Variants in POR observed in about 807,000 individuals in gnomAD.
POR encodes the protein NADPH--cytochrome P450 reductase.
Under a neutral mutation model 84.0 loss-of-function variants are expected in POR, and 56 were observed. The observed-to-expected ratio is 0.67, with a 90% CI of 0.54 to 0.83. POR has a LOEUF of 0.83. Ranked by LOEUF, POR falls within the 40% of genes least tolerant of loss-of-function variation. The pLI is 0.00. For missense variants in POR, 938 were observed against 944.3 expected (o/e 0.99, Z 0.09); for synonymous variants, 414 against 400.5 (o/e 1.03, Z -0.40).
At chr7:75,978,345 C>T (rs1044244474) in intron 3 of POR, among the ~76,000 whole-genome samples, 4 of 152,168 alleles carry the variant, frequency 2.6e-5, no homozygotes, top group Non-Finnish European at 5.9e-5. Flanking sequence ...CACATACTGT[C>T]ATCTTACTGT....
chr7:75,963,519 C>T (rs1356185272), intron 2 of POR, among the ~76,000 whole-genome samples: 1 of 152,210 alleles, frequency 6.6e-6, no homozygotes, highest in Non-Finnish European at 1.5e-5. Context: ...TCGGGTACTG[C>T]CGTGCAGAGC....
chr7:75,972,529 A>G (rs782258271), intron 3 of POR, 68 bp downstream of exon 3: 86 of 1,431,362 alleles, frequency 6.0e-5, no homozygotes, highest in Non-Finnish European at 8.3e-5. Flanking sequence ...AATCAAGTCT[A>G]GCAGACGGCT....
chr7:75,986,432 T>A lies in POR; in HGVS notation c.1994T>A (p.Ile665Asn). The change falls in exon 16 of 16, where the codon ATC (isoleucine) becomes AAC (asparagine). Residue 665 changes from isoleucine (I) to asparagine (N), a missense_variant. Ile to Asn is a moderately radical substitution (Grantham distance 149). Transcript: ENST00000461988. ...GAGCACGCGCAGGCGGTGGACTACATCAAGAAACTGATGACCAAGGGCCGC... is the reference window on the plus strand; with the variant it reads ...GAGCACGCGCAGGCGGTGGACTACAACAAGAAACTGATGACCAAGGGCCGC... 1.2e-6 allele frequency: 2 copies of A among 1,612,346 alleles called. No homozygotes were observed. The highest frequency in any genetic ancestry group is 1.7e-6 in the Non-Finnish European group (2 of 1,179,828).
intron 3 of POR, among the ~76,000 whole-genome samples, chr7:75,977,554 TC>T (rs1185107559): frequency 6.6e-6 from 1 of 152,178 alleles, no homozygotes; most frequent in Non-Finnish European, 1.5e-5. Context: ...GGTGGGCAGA[TC>T]ACCTGAGGTC....
rs71519397 is a variant in POR at position 75,920,056 on chromosome 7, C to CTTT, written c.-5+4902_-5+4904dup. ...GGACTGTTCTCCAAGAGTTGAATTTCTTTTTTTTTTTTTTTTTTTTTTTTT... is the reference window on the plus strand; with the variant it reads ...GGACTGTTCTCCAAGAGTTGAATTTCTTTTTTTTTTTTTTTTTTTTTTTTTTTT... On this transcript the variant is annotated intron_variant, in intron 1 of 15. Coordinates refer to ENST00000461988, the MANE Select transcript of POR (RefSeq NM_000941.3). 5.1e-4 allele frequency among the ~76,000 whole-genome samples: 39 copies of CTTT among 76,514 alleles called. 2 individuals carry two copies. The highest frequency in any genetic ancestry group is 6.3e-4 in the African/African-American group (11 of 17,336). The allele number at this position is 76,514 out of a possible 152,430, so 50.2% of individuals were successfully genotyped here. A position where few individuals can be genotyped will look rare whatever the true frequency, so the allele number is the denominator to read the frequency against.
At chr7:75,983,973 T>C (rs1341862456) in intron 10 of POR, 117 bp downstream of exon 10, 8 of 750,966 alleles carry the variant, frequency 1.1e-5, no homozygotes, top group African/African-American at 9.1e-5. Context: ...TGGGAGGCCC[T>C]TGCACCGAGA....
intron 1 of POR, among the ~76,000 whole-genome samples, chr7:75,925,150 C>T (rs1807054515): frequency 6.6e-6 from 1 of 152,084 alleles, no homozygotes; most frequent in African/African-American, 2.4e-5. Flanking sequence ...TTCCTAGATG[C>T]CAAGGCAAAG....
At chr7:75,953,934 C>T (rs1787564206) in intron 1 of POR, 55 bp from the exon 2 acceptor site, 3 of 1,426,752 alleles carry the variant, frequency 2.1e-6, no homozygotes, top group East Asian at 5.0e-5. Flanking sequence ...CCCAGCCAGC[C>T]TCAGGGGCAC....
intron 1 of POR, among the ~76,000 whole-genome samples, chr7:75,937,220 C>A (rs1335721846): frequency 1.4e-5 from 2 of 142,818 alleles, no homozygotes; most frequent in African/African-American, 2.7e-5. Flanking sequence ...CTTGGGAGGC[C>A]AAGGCAGGTG....
chr7:75,980,045 T>G lies in POR; in HGVS notation c.367-294T>G, dbSNP rs1366472692. On this transcript the variant is annotated intron_variant, in intron 4 of 15. Coordinates refer to ENST00000461988, the MANE Select transcript of POR (RefSeq NM_000941.3). Reference sequence around the variant, plus strand: ...GAGGTTCCCAGGGTGGCCCCAGACCTGCATCAGCTCAGGAGGCTGCATTCT... The same window carrying G: ...GAGGTTCCCAGGGTGGCCCCAGACCGGCATCAGCTCAGGAGGCTGCATTCT... 2.0e-5 allele frequency among the ~76,000 whole-genome samples: 3 copies of G among 152,228 alleles called. No homozygotes were observed. In the East Asian group the frequency reaches 5.8e-4, roughly 29 times the overall value.
chr7:75,966,446 C>T (rs546297857), intron 2 of POR, among the ~76,000 whole-genome samples: 3 of 152,346 alleles, frequency 2.0e-5, no homozygotes, highest in South Asian at 2.1e-4. Context: ...GCCCACTCTC[C>T]GTCCTGCCAG....
intron 1 of POR, among the ~76,000 whole-genome samples, chr7:75,927,911 T>A (rs1327682792): frequency 1.3e-5 from 2 of 151,098 alleles, no homozygotes; most frequent in African/African-American, 2.4e-5. Flanking sequence ...CCTCAAGTGA[T>A]CTTGCCCTCC....
At chr7:75,944,557 A>T (rs1787095644) in intron 1 of POR, among the ~76,000 whole-genome samples, 1 of 152,144 alleles carries the variant, frequency 6.6e-6, no homozygotes, top group Admixed American at 6.6e-5. Flanking sequence ...CTTAAATAAG[A>T]TTCAGGATCT....
rs530566937 is a variant in POR at position 75,977,141 on chromosome 7, C to T, written c.238-2310C>T. On this transcript the variant is annotated intron_variant, in intron 3 of 15. Transcript: ENST00000461988. ...GTACTAGGATTACAGAAGTGAGCCA[C>T]GGCACCCGGCCGCGTAAGTTTTATT... Among the ~76,000 whole-genome samples, 30 of 152,282 alleles carry T rather than the reference C, an allele frequency of 2.0e-4. No homozygotes were observed. In the South Asian group the frequency reaches 4.4e-3, roughly 22 times the overall value.
At chr7:75,957,828 C>T (rs1554553974) in intron 2 of POR, among the ~76,000 whole-genome samples, 1 of 152,168 alleles carries the variant, frequency 6.6e-6, no homozygotes, top group East Asian at 1.9e-4. Flanking sequence ...TGGATGCCTG[C>T]TGCAGCCAGG....
At chr7:75,923,430 T>C in intron 1 of POR, 2 of 603,046 alleles carry the variant, frequency 3.3e-6, no homozygotes, top group Admixed American at 5.4e-5. Context: ...AATCAGCTCA[T>C]CCGCCAGCTG....
At chr7:75,950,060 C>T (rs1203982551) in intron 1 of POR, among the ~76,000 whole-genome samples, 4 of 150,606 alleles carry the variant, frequency 2.7e-5, no homozygotes, top group Non-Finnish European at 4.4e-5. Context: ...TAAGTAGAGA[C>T]GGGGTTTCAC....
intron 2 of POR, among the ~76,000 whole-genome samples, chr7:75,970,012 T>C (rs977999384): frequency 2.0e-5 from 3 of 151,810 alleles, no homozygotes; most frequent in Admixed American, 2.0e-4. Flanking sequence ...AGTTCTGTGG[T>C]AAAGGATGAG....
intron 2 of POR, among the ~76,000 whole-genome samples, chr7:75,966,399 G>A: frequency 6.6e-6 from 1 of 152,174 alleles, no homozygotes; most frequent in South Asian, 2.1e-4. Context: ...ATGCCACAAG[G>A]CTCTGAAGGT....
Sources: gnomAD v4.1 joint callset for allele counts (sites outside exome capture counted in the v4.1 genomes callset) on GRCh38, gnomAD v4.1.1 for gene constraint, MANE v1.5 for transcripts, NCBI Gene and HGNC (gene_info 2026-07-23, HGNC 2026-07-21) for gene names.